Variants in COL4A6 observed in about 807,000 individuals in gnomAD.
The protein encoded by COL4A6 is collagen alpha-6(IV) chain.
A neutral mutation model predicts 126.7 loss-of-function variants in COL4A6; 59 were observed. That is an observed-to-expected ratio of 0.47 (90% confidence interval 0.38 to 0.58). The LOEUF (loss-of-function observed/expected upper bound fraction) is 0.58. COL4A6 is among the 20% of genes least tolerant of loss of function. COL4A6 has a pLI of 0.00. For missense variants in COL4A6, 1,285 were observed against 1,337.3 expected, an observed-to-expected ratio of 0.96 and a Z score of 0.61; for synonymous variants, 547 against 496.6, an observed-to-expected ratio of 1.10 and a Z score of -1.35.
chrX:108,183,593 C>T (rs2044574860), intron 23 of COL4A6: 1 of 371,234 alleles, frequency 2.7e-6, no homozygotes, highest in Non-Finnish European at 4.1e-6. Context: ...CCTTAGACTC[C>T]CCACTCCCCA....
At chrX:108,321,090 C>G (rs930206234) in intron 2 of COL4A6, among the ~76,000 whole-genome samples, 5 of 111,738 alleles carry the variant, frequency 4.5e-5, no homozygotes, top group Non-Finnish European at 7.5e-5. Flanking sequence ...AGATGATGCT[C>G]TTTGTCAAGT....
At chrX:108,329,053 C>G (rs2039231058) in intron 2 of COL4A6, among the ~76,000 whole-genome samples, 1 of 110,921 alleles carries the variant, frequency 9.0e-6, no homozygotes, top group Non-Finnish European at 1.9e-5. Flanking sequence ...TTTCTAGGGG[C>G]TAAGAAGAGT....
rs34466065 is a variant in COL4A6 at position 108,170,621 on chromosome X, T to C, written c.3481A>G (p.Ile1161Val). The change falls in exon 35 of 45, where the codon ATA (isoleucine) becomes GTA (valine). Residue 1161 changes from isoleucine (I) to valine (V), a missense_variant. Ile to Val is a conservative substitution (Grantham distance 29, BLOSUM62 3). Transcript: ENST00000334504. Reference sequence around the variant, plus strand: ...CAAATACACATACCTTTGGGTCCTATTAATCCGGGGGATCCTAGAGGCCCA... The same window carrying C: ...CAAATACACATACCTTTGGGTCCTACTAATCCGGGGGATCCTAGAGGCCCA... ...AIGPLGSPGL[I>V]GPKGFPGFPG... 0.054 allele frequency: 65,098 copies of C among 1,201,111 alleles called. 1,369 individuals are homozygous for C. Among genetic ancestry groups the C allele is most frequent in the Middle Eastern group, 0.1 (424 of 4,218 alleles).
intron 44 of COL4A6, among the ~76,000 whole-genome samples, chrX:108,158,178 G>A (rs1227638630): frequency 1.8e-5 from 2 of 112,898 alleles, no homozygotes; most frequent in South Asian, 3.6e-4. Flanking sequence ...CAGACACTAG[G>A]TTATTTTAAA....
intron 2 of COL4A6, among the ~76,000 whole-genome samples, 158 bp from the exon 3 acceptor site, chrX:108,310,986 A>G (rs1234549331): frequency 8.9e-6 from 1 of 112,460 alleles, no homozygotes; most frequent in East Asian, 2.8e-4. Context: ...ACTAAACTTA[A>G]GCTAGCATCC....
At chrX:108,435,012 C>T (rs1425624050) in intron 2 of COL4A6, among the ~76,000 whole-genome samples, 3 of 110,678 alleles carry the variant, frequency 2.7e-5, no homozygotes, top group Non-Finnish European at 3.8e-5. Flanking sequence ...GACTACTATA[C>T]GACTGAAAAT....
chrX:108,176,328 T>G (rs1343820900), intron 28 of COL4A6, among the ~76,000 whole-genome samples: 1 of 74,373 alleles, frequency 1.3e-5, no homozygotes, highest in African/African-American at 4.5e-5. Context: ...AAAAAAAAAA[T>G]TGGGCCCCTC....
At chrX:108,277,049 G>A (rs1221934939) in intron 3 of COL4A6, among the ~76,000 whole-genome samples, 1 of 112,165 alleles carries the variant, frequency 8.9e-6, no homozygotes, top group Non-Finnish European at 1.9e-5. Context: ...AACAGCTCTG[G>A]TCTACAGCTC....
At chrX:108,231,354 A>G (rs2036299653) in intron 3 of COL4A6, among the ~76,000 whole-genome samples, 1 of 112,445 alleles carries the variant, frequency 8.9e-6, no homozygotes, top group African/African-American at 3.2e-5. Flanking sequence ...ATTTTTTGGA[A>G]GACATATCCC....
At chrX:108,432,326 A>C (rs1024049733) in intron 2 of COL4A6, among the ~76,000 whole-genome samples, 1 of 112,563 alleles carries the variant, frequency 8.9e-6, no homozygotes, top group Non-Finnish European at 1.9e-5. Context: ...TATTATGTAA[A>C]GTGACCTTTG....
chrX:108,321,293 A>G (rs1363719149), intron 2 of COL4A6, among the ~76,000 whole-genome samples: 2 of 111,893 alleles, frequency 1.8e-5, no homozygotes, highest in African/African-American at 6.5e-5. Context: ...GAGTGGGGAT[A>G]AGAAACCAGA....
intron 5 of COL4A6, 141 bp from the exon 6 acceptor site, chrX:108,214,369 T>A: frequency 2.2e-6 from 1 of 460,092 alleles, no homozygotes. Flanking sequence ...TATGTTTGCA[T>A]GTCTTTCCTT....
Position 108,169,957 on chromosome X carries a change from G to T in COL4A6, c.3553C>A (p.His1185Asn). The T allele has an allele frequency of 8.4e-7, 1 of 1,187,628 alleles. No individual in the cohort carries two copies. The highest frequency in any genetic ancestry group is 1.8e-5 in the African/African-American group (1 of 57,134). The change falls in exon 36 of 45, where the codon CAT becomes AAT. Residue 1185 changes from histidine to asparagine, a missense_variant. Physicochemically the swap from His to Asn is moderately conservative, Grantham distance 68. Transcript: ENST00000334504. ...LNGLPGTKGTHGTPGPSITGV... is the reference protein window; with the variant it reads ...LNGLPGTKGTNGTPGPSITGV... ...GGGTCTTCCTAACCTGGAGTGCCAT[G>T]GGTACCCTTGGTGCCCGGAAGCCCA...
At chrX:108,396,221 A>G (rs1287155312) in intron 2 of COL4A6, among the ~76,000 whole-genome samples, 2 of 110,876 alleles carry the variant, frequency 1.8e-5, no homozygotes, top group Admixed American at 9.6e-5. Flanking sequence ...GGTATGTGAG[A>G]GCACTAGCCT....
chrX:108,286,503 T>G (rs889838974), intron 3 of COL4A6, among the ~76,000 whole-genome samples: 3 of 112,103 alleles, frequency 2.7e-5, no homozygotes, highest in Non-Finnish European at 5.6e-5. Flanking sequence ...ATTCTTGATC[T>G]CACTTTTAGG....
intron 26 of COL4A6, 31 bp from the exon 27 acceptor site, chrX:108,178,876 C>G (rs774676517): frequency 1.7e-6 from 2 of 1,183,731 alleles, no homozygotes; most frequent in Admixed American, 4.6e-5. Flanking sequence ...ATGATCACAG[C>G]CTGGAGAGAT....
intron 3 of COL4A6, among the ~76,000 whole-genome samples, chrX:108,307,840 G>A (rs1449280094): frequency 9.0e-6 from 1 of 111,581 alleles, no homozygotes; most frequent in Non-Finnish European, 1.9e-5. Flanking sequence ...GCCCTGGGAA[G>A]GTAGGAGGAA....
intron 3 of COL4A6, among the ~76,000 whole-genome samples, chrX:108,284,921 C>G (rs996483524): frequency 2.7e-5 from 3 of 112,113 alleles, no homozygotes; most frequent in Non-Finnish European, 3.8e-5. Flanking sequence ...TGTCCATTTC[C>G]TCTTTATAGA....
intron 2 of COL4A6, among the ~76,000 whole-genome samples, chrX:108,356,911 A>T (rs1205422487): frequency 9.0e-6 from 1 of 111,642 alleles, no homozygotes; most frequent in East Asian, 2.8e-4. Flanking sequence ...TCTGAAAAAA[A>T]AAAGCTAAAA....
Sources: gnomAD v4.1 joint callset for allele counts (sites outside exome capture counted in the v4.1 genomes callset) on GRCh38, gnomAD v4.1.1 for gene constraint, MANE v1.5 for transcripts, NCBI Gene and HGNC (gene_info 2026-07-23, HGNC 2026-07-21) for gene names.